The following EVC variants were observed in gnomAD, a reference collection of about 807,000 sequenced individuals.
EVC encodes the protein EvC ciliary complex subunit 1, also known as evC complex member EVC.
EVC carries 116 observed loss-of-function variants against 118.9 expected under a neutral mutation model. That is an observed-to-expected ratio of 0.98 (90% confidence interval 0.84 to 1.14). The LOEUF (loss-of-function observed/expected upper bound fraction) is 1.14, where lower values mean the gene tolerates loss of function less well. EVC is among the 50% of genes most tolerant of loss of function. The pLI, the probability that EVC is intolerant of heterozygous loss-of-function variation, is 0.00. For synonymous variants in EVC, 619 were observed against 534.7 expected (o/e 1.16, Z -2.18); for missense variants, 1,401 against 1,246.4 (o/e 1.12, Z -1.87).
intron 12 of EVC, among the ~76,000 whole-genome samples, chr4:5,790,892 A>G (rs995072146): frequency 1.3e-5 from 2 of 152,094 alleles, no homozygotes; most frequent in South Asian, 4.1e-4. Context: ...TCAGGAGTTC[A>G]AGACCAGCCT....
chr4:5,726,205 G>A (rs1272226239), intron 2 of EVC, among the ~76,000 whole-genome samples: 2 of 152,216 alleles, frequency 1.3e-5, no homozygotes, highest in African/African-American at 4.8e-5. Context: ...TCAAGACGTG[G>A]TTGAGAAGCA....
rs1463436039 is a variant in EVC at position 5,811,726 on chromosome 4, A to G, written c.*689A>G. 5.4e-5 allele frequency: 8 copies of G among 148,802 alleles called. No homozygotes were observed. Among genetic ancestry groups the G allele is most frequent in the Non-Finnish European group, 5.8e-5 (4 of 68,424 alleles). 9.2% of individuals were successfully genotyped at this position (148,802 alleles called of 1,614,324 possible). A position where few individuals can be genotyped will look rare whatever the true frequency, so the allele number is the denominator to read the frequency against. On this transcript the variant is annotated 3_prime_UTR_variant, in exon 21 of 21. Coordinates refer to ENST00000264956, the MANE Select transcript of EVC (RefSeq NM_153717.3). The stretch of plus-strand genomic sequence containing the variant: ...AGGGGCCTTTCCCACCTGGAGAGAA[A>G]CTTCCAGACCAGCCCCTCATACCAC...
intron 11 of EVC, among the ~76,000 whole-genome samples, chr4:5,772,538 A>T (rs562059615): frequency 1.5e-4 from 23 of 151,858 alleles, no homozygotes; most frequent in Non-Finnish European, 2.1e-4. Context: ...TCTCAAGAAG[A>T]AGTCCAACAT....
At chr4:5,750,978 G>T (rs1251293866) in intron 8 of EVC, among the ~76,000 whole-genome samples, 4 of 152,098 alleles carry the variant, frequency 2.6e-5, no homozygotes, top group African/African-American at 9.7e-5. Context: ...ATGTGCATCT[G>T]TAAATATTAA....
At chr4:5,826,045 G>T in the EVC span, 1 of 288,034 alleles carries the variant, frequency 3.5e-6, no homozygotes, top group Non-Finnish European at 6.5e-6. Context: ...TCTTCACAAA[G>T]GCATACTCAC....
the EVC span, chr4:5,825,965 C>T: frequency 2.3e-6 from 1 of 427,462 alleles, no homozygotes; most frequent in South Asian, 2.8e-5. This position sits in a 1 kb window ranked among gnomAD's most constrained non-coding sequence, Gnocchi z 4.4. Context: ...CATGCACATG[C>T]AGTAACAAAA....
intron 11 of EVC, among the ~76,000 whole-genome samples, chr4:5,778,136 A>G (rs1373603829): frequency 9.3e-5 from 14 of 151,232 alleles, no homozygotes; most frequent in South Asian, 2.1e-4. Flanking sequence ...ATGATTTCCA[A>G]TTTCATCCAT....
Position 5,711,507 on chromosome 4 carries a change from G to C in EVC, c.127G>C (p.Gly43Arg). The C allele has an allele frequency of 1.7e-6, 2 of 1,155,940 alleles. No homozygotes were observed. Among genetic ancestry groups the C allele is most frequent in the Non-Finnish European group, 2.1e-6 (2 of 940,260 alleles). The allele number at this position is 1,155,940 out of a possible 1,614,324, so 71.6% of individuals were successfully genotyped here. Reference sequence around the variant, plus strand: ...GGGCGCCGCGCTCGGCCTCGGCCTCGGCCTTTGGCTTGGCTGCCGCGCGGG... The same window carrying C: ...GGGCGCCGCGCTCGGCCTCGGCCTCCGCCTTTGGCTTGGCTGCCGCGCGGG... ...LLGAALGLGLGLWLGCRAGRQ... is the reference protein window; with the variant it reads ...LLGAALGLGLRLWLGCRAGRQ... Residue 43 changes from glycine (G) to arginine (R), a missense_variant, in exon 1 of 21, where the codon GGC becomes CGC. Physicochemically the swap from Gly to Arg is moderately radical, Grantham distance 125. Coordinates refer to ENST00000264956, the MANE Select transcript of EVC (RefSeq NM_153717.3).
In EVC at chr4:5,747,025, G is replaced by A. The variant is rs568383195; in HGVS notation, c.940-1123G>A. On this transcript the variant is annotated intron_variant, in intron 7 of 20. Transcript: ENST00000264956. ...TCATCTGATGGCTCCAAGGGGAAGAGCAGGGTGAGAGCCTGAGGGTGTCAG... is the reference window on the plus strand; with the variant it reads ...TCATCTGATGGCTCCAAGGGGAAGAACAGGGTGAGAGCCTGAGGGTGTCAG... Among the ~76,000 whole-genome samples the A allele has an allele frequency of 5.3e-5, 8 of 152,206 alleles. 1 individual carries two copies. In the South Asian group the frequency reaches 1.7e-3, roughly 32 times the overall value.
intron 1 of EVC, among the ~76,000 whole-genome samples, chr4:5,715,805 G>A (rs536410360): frequency 3.4e-4 from 48 of 139,824 alleles, no homozygotes; most frequent in Admixed American, 9.1e-4. Context: ...GTGCAGTAGT[G>A]CAATCTCGGC....
chr4:5,771,885 T>C (rs930553352), intron 11 of EVC, among the ~76,000 whole-genome samples: 18 of 131,234 alleles, frequency 1.4e-4, no homozygotes, highest in Non-Finnish European at 2.7e-4. Flanking sequence ...TGGCTTTTTA[T>C]TTTATTTTAT....
At position 5,731,609 on chromosome 4, in the gene EVC, G is replaced by T. The variant is rs113002470; in HGVS notation, c.569G>T (p.Arg190Leu). The change falls in exon 4 of 21, where the codon CGC becomes CTC. Residue 190 changes from arginine (R) to leucine (L), a missense_variant. Coordinates refer to ENST00000264956, the MANE Select transcript of EVC (RefSeq NM_153717.3). The surrounding 1 kb of genome is among the most constrained non-coding windows in gnomAD (Gnocchi z 5.6). Reference sequence around the variant, plus strand: ...ACCAGCGATGACAGGTTTCTCAGCCGCACCTTCCTCCGGGTGAACGCCTTC... The same window carrying T: ...ACCAGCGATGACAGGTTTCTCAGCCTCACCTTCCTCCGGGTGAACGCCTTC... ...SATSDDRFLSRTFLRVNAFPE... is the reference protein window; with the variant it reads ...SATSDDRFLSLTFLRVNAFPE... The T allele has an allele frequency of 2.0e-4, 315 of 1,614,130 alleles. No individual in the cohort carries two copies. The Middle Eastern group carries it at 4.0e-3, about 20-fold the overall frequency.
chr4:5,797,423 T>TA, intron 14 of EVC, 191 bp downstream of exon 14: 1 of 625,020 alleles, frequency 1.6e-6, no homozygotes, highest in Non-Finnish European at 2.9e-6. Context: ...ATTTCCCTGC[T>TA]CACCATCCTG....
intron 2 of EVC, among the ~76,000 whole-genome samples, chr4:5,722,182 C>A (rs146016595): frequency 7.2e-5 from 11 of 152,262 alleles, no homozygotes; most frequent in African/African-American, 2.6e-4. Flanking sequence ...CCTGCCATTC[C>A]CGAGTCACCC....
chr4:5,753,777 A>G lies in EVC; in HGVS notation c.1316-8A>G. ...CACCTCCTATGCTGTGGCTTTTTTC[A>G]ATCCCAGAGTTTGTCCAGCGAGGCA... On this transcript the variant is annotated splice_region_variant and splice_polypyrimidine_tract_variant and intron_variant, in intron 9 of 20. Coordinates refer to ENST00000264956, the MANE Select transcript of EVC (RefSeq NM_153717.3). The G allele has an allele frequency of 6.2e-7, 1 of 1,614,150 alleles. No individual in the cohort carries two copies. Among genetic ancestry groups the G allele is most frequent in the Non-Finnish European group, 8.5e-7 (1 of 1,180,026 alleles).
At position 5,774,411 on chromosome 4, in the gene EVC, G is replaced by A. The variant is rs78070077; in HGVS notation, c.1564-9141G>A. ...TGATACTAGCTAGCATTTATTAAGT[G>A]CTTGCTGTGTGCTGTGAGCCAGCCA... On this transcript the variant is annotated intron_variant, in intron 11 of 20. Transcript: ENST00000264956. Among the ~76,000 whole-genome samples the A allele has an allele frequency of 7.1e-3, 1,074 of 151,992 alleles. 13 individuals carry two copies. Among genetic ancestry groups the A allele is most frequent in the African/African-American group, 0.024 (1,002 of 41,392 alleles).
At chr4:5,744,613 T>A (rs1729077318) in intron 6 of EVC, among the ~76,000 whole-genome samples, 1 of 152,116 alleles carries the variant, frequency 6.6e-6, no homozygotes, top group South Asian at 2.1e-4. Context: ...TAATACTGAA[T>A]CCCAGAATTC....
chr4:5,778,520 T>A (rs1261478512), intron 11 of EVC, among the ~76,000 whole-genome samples: 1 of 152,142 alleles, frequency 6.6e-6, no homozygotes, highest in Non-Finnish European at 1.5e-5. Flanking sequence ...GACTTTTTAA[T>A]GATTGCCATT....
Position 5,794,336 on chromosome 4 carries a change from TATATACTTA to T in EVC, c.1886+620_1886+628del, listed in dbSNP as rs1292422478. Among the ~76,000 whole-genome samples the T allele has an allele frequency of 0.01, 1,185 of 117,282 alleles. 46 individuals are homozygous for T. In the East Asian group the frequency reaches 0.14, roughly 14 times the overall value. The allele number at this position is 117,282 out of a possible 152,430, so 76.9% of individuals were successfully genotyped here. ...ATATTTATATATATTTATATATATT[TATATACTTA>T]TATATATATTTATGTATTTATATTT... is the stretch of plus-strand genomic sequence containing the variant. On this transcript the variant is annotated intron_variant, in intron 13 of 20. Transcript: ENST00000264956.
Sources: gnomAD v4.1 joint callset for allele counts (sites outside exome capture counted in the v4.1 genomes callset) on GRCh38, gnomAD v4.1.1 for gene constraint, Gnocchi (gnomAD v3.1) non-coding constraint, MANE v1.5 for transcripts, NCBI Gene and HGNC (gene_info 2026-07-23, HGNC 2026-07-21) for gene names.